PCDHGA11: variants seen among roughly 807,000 people sequenced by gnomAD.
PCDHGA11 encodes the protein protocadherin gamma-A11.
In PCDHGA11, 39 loss-of-function variants were observed where a neutral mutation model predicts 60.4. The observed-to-expected ratio is 0.65, with a 90% CI of 0.50 to 0.84. PCDHGA11 has a LOEUF of 0.84. Ranked by LOEUF, PCDHGA11 falls within the 40% of genes least tolerant of loss-of-function variation. The pLI is 0.00. For synonymous variants in PCDHGA11, 533 were observed against 510.3 expected (o/e 1.04, Z -0.60); for missense variants, 1,165 against 1,197.7 (o/e 0.97, Z 0.40).
At chr5:141,452,524 C>T (rs542476667) in intron 1 of PCDHGA11, among the ~76,000 whole-genome samples, 83 of 152,294 alleles carry the variant, frequency 5.4e-4, no homozygotes, top group African/African-American at 1.9e-3. Flanking sequence ...CCCTCAAAAT[C>T]GTGAGTTCAT....
intron 1 of PCDHGA11, among the ~76,000 whole-genome samples, chr5:141,459,386 T>C (rs1283863283): frequency 6.6e-6 from 1 of 152,260 alleles, no homozygotes; most frequent in African/African-American, 2.4e-5. Context: ...GTGTTCCATT[T>C]GATTGTTGAG....
In PCDHGA11 at chr5:141,476,073, A is replaced by C. The variant is rs765071344; in HGVS notation, c.2434-18734A>C. On this transcript the variant is annotated intron_variant, in intron 1 of 3. Coordinates refer to ENST00000398587, the MANE Select transcript of PCDHGA11 (RefSeq NM_018914.3). The surrounding 1 kb of genome is among the most constrained non-coding windows in gnomAD (Gnocchi z 7.6). ...GCTGAAAGTTTCTCAGCGAAATCTC[A>C]GGGACGATCTGGACCCCGCTGAGAG... 4 of 1,524,010 alleles carry C rather than the reference A, an allele frequency of 2.6e-6. No individual in the cohort carries two copies. Among genetic ancestry groups the C allele is most frequent in the Admixed American group, 4.2e-5 (2 of 47,746 alleles). The allele number at this position is 1,524,010 out of a possible 1,614,324, so 94.4% of individuals were successfully genotyped here. A position where few individuals can be genotyped will look rare whatever the true frequency, so the allele number is the denominator to read the frequency against.
chr5:141,468,463 T>G (rs574151637), intron 1 of PCDHGA11: 6 of 152,282 alleles, frequency 3.9e-5, no homozygotes, highest in African/African-American at 1.4e-4. Flanking sequence ...AGCAAGTTAT[T>G]TCTGAGGAGA....
Position 141,485,597 on chromosome 5 carries a change from A to G in PCDHGA11, c.2434-9210A>G. On this transcript the variant is annotated intron_variant, in intron 1 of 3. Coordinates refer to ENST00000398587, the MANE Select transcript of PCDHGA11 (RefSeq NM_018914.3). This position sits in a 1 kb window ranked among gnomAD's most constrained non-coding sequence, Gnocchi z 5.7. ...TCCGCGGCAGCAGCTGGACTTGGAA[A>G]TTGGGGAGGCAGCTCCTCCAGGACA... The G allele has an allele frequency of 6.2e-7, 1 of 1,612,468 alleles. No homozygotes were observed. The highest frequency in any genetic ancestry group is 8.5e-7 in the Non-Finnish European group (1 of 1,178,718).
intron 1 of PCDHGA11, among the ~76,000 whole-genome samples, chr5:141,472,422 C>T (rs1328468154): frequency 6.6e-6 from 1 of 152,008 alleles, no homozygotes; most frequent in East Asian, 1.9e-4. Flanking sequence ...GCACCTGTAT[C>T]CCAGCTACTA....
chr5:141,460,608 T>A (rs2098993153), intron 1 of PCDHGA11, among the ~76,000 whole-genome samples: 1 of 152,186 alleles, frequency 6.6e-6, no homozygotes, highest in Non-Finnish European at 1.5e-5. Context: ...CTGTGTTAGA[T>A]GGATAGATAG....
intron 1 of PCDHGA11, chr5:141,433,315 TCCGGTGTAACAGGGACTA>T: frequency 1.2e-6 from 1 of 856,086 alleles, no homozygotes; most frequent in Non-Finnish European, 1.8e-6. Flanking sequence ...CACCTTTGCC[TCCGGTGTAACAGGGACTA>T]CAGGTGCAAG....
chr5:141,427,912 A>T (rs1268491054), intron 1 of PCDHGA11: 2 of 1,577,806 alleles, frequency 1.3e-6, no homozygotes, highest in Admixed American at 3.3e-5. Flanking sequence ...CTCAGCGCCA[A>T]CATGAGCCGG....
At position 141,485,709 on chromosome 5, in the gene PCDHGA11, C is replaced by A. The variant is rs2099618118; in HGVS notation, c.2434-9098C>A. On this transcript the variant is annotated intron_variant, in intron 1 of 3. Transcript: ENST00000398587. This position sits in a 1 kb window ranked among gnomAD's most constrained non-coding sequence, Gnocchi z 5.7. ...AGGCTGAGCTCCAATGAACACTTTGCACTGGATGTGAAGAAGCGCAGCGAC... is the reference window on the plus strand; with the variant it reads ...AGGCTGAGCTCCAATGAACACTTTGAACTGGATGTGAAGAAGCGCAGCGAC... The A allele has an allele frequency of 1.2e-6, 2 of 1,614,128 alleles. No homozygotes were observed. The highest frequency in any genetic ancestry group is 1.7e-6 in the Non-Finnish European group (2 of 1,180,028).
chr5:141,440,960 A>C (rs1467379261), intron 1 of PCDHGA11: 2 of 152,248 alleles, frequency 1.3e-5, no homozygotes, highest in Non-Finnish European at 2.9e-5. Flanking sequence ...CAAGGCAGAG[A>C]TCACATATGG....
Position 141,505,499 on chromosome 5 carries a change from G to T in PCDHGA11, c.2581+18G>T, listed in dbSNP as rs753203943. 4.3e-6 allele frequency: 7 copies of T among 1,614,172 alleles called. No individual in the cohort carries two copies. The South Asian group carries it at 7.7e-5, about 18-fold the overall frequency. ...CGCCAGTGGTAAGTGGTGTCAGTGTGTGTATGGAAGAGTGGGAGACCTGGG... is the reference window on the plus strand; with the variant it reads ...CGCCAGTGGTAAGTGGTGTCAGTGTTTGTATGGAAGAGTGGGAGACCTGGG... On this transcript the variant is annotated intron_variant, in intron 3 of 3. Coordinates refer to ENST00000398587, the MANE Select transcript of PCDHGA11 (RefSeq NM_018914.3).
intron 1 of PCDHGA11, chr5:141,479,772 G>A (rs904607838): frequency 1.3e-5 from 2 of 152,192 alleles, no homozygotes; most frequent in Non-Finnish European, 2.9e-5. Flanking sequence ...CATATCCTTA[G>A]ACAGGTAAAG....
In PCDHGA11 at chr5:141,486,752, C is replaced by G. The variant is rs776406247; in HGVS notation, c.2434-8055C>G. On this transcript the variant is annotated intron_variant, in intron 1 of 3. Transcript: ENST00000398587. The surrounding 1 kb of genome is among the most constrained non-coding windows in gnomAD (Gnocchi z 5.0). ...TGCTACTCGATCCTTTGACTATGAG[C>G]AAACCCAGACACTGCAGTTTGAGGT... 6.2e-7 allele frequency: 1 copy of G among 1,614,244 alleles called. No individual in the cohort carries two copies. The highest frequency in any genetic ancestry group is 1.3e-5 in the African/African-American group (1 of 75,080).
chr5:141,443,104 C>A (rs950011995), intron 1 of PCDHGA11, among the ~76,000 whole-genome samples: 1 of 151,854 alleles, frequency 6.6e-6, no homozygotes, highest in East Asian at 1.9e-4. Flanking sequence ...TCAAGCTGAA[C>A]CTTGCTTTTC....
At chr5:141,496,178 C>T (rs1481326898) in intron 2 of PCDHGA11, among the ~76,000 whole-genome samples, 2 of 152,080 alleles carry the variant, frequency 1.3e-5, no homozygotes, top group Admixed American at 1.3e-4. Flanking sequence ...CCCATCCAAG[C>T]AGCCCCAGCT....
intron 1 of PCDHGA11, among the ~76,000 whole-genome samples, chr5:141,435,743 G>T (rs3805699): frequency 0.11 from 17,212 of 152,168 alleles, 1,160 homozygotes; most frequent in African/African-American, 0.18. Context: ...TCTTTGAAAA[G>T]CATTGCTTGA....
At position 141,476,719 on chromosome 5, in the gene PCDHGA11, C is replaced by T; in HGVS notation, c.2434-18088C>T. ...ACGCGGAGCTGGTGTTGGAGCGCGC[C>T]CTGGACCGAGAACGGGAGCCTAGTC... On this transcript the variant is annotated intron_variant, in intron 1 of 3. Coordinates refer to ENST00000398587, the MANE Select transcript of PCDHGA11 (RefSeq NM_018914.3). The surrounding 1 kb of genome is among the most constrained non-coding windows in gnomAD (Gnocchi z 7.6). The T allele has an allele frequency of 6.2e-7, 1 of 1,614,154 alleles. No homozygotes were observed.
In PCDHGA11 at chr5:141,432,218, A is replaced by T. The variant is rs570925415; in HGVS notation, c.2433+8558A>T. On this transcript the variant is annotated intron_variant, in intron 1 of 3. Transcript: ENST00000398587. This position sits in a 1 kb window ranked among gnomAD's most constrained non-coding sequence, Gnocchi z 6.0. Reference sequence around the variant, plus strand: ...CCCCGACTGTGAAGAGAACGCCCAGATCACTTATTCCCTGGCTGAGAACAC... The same window carrying T: ...CCCCGACTGTGAAGAGAACGCCCAGTTCACTTATTCCCTGGCTGAGAACAC... The T allele has an allele frequency of 6.2e-7, 1 of 1,614,148 alleles. No homozygotes were observed. The highest frequency in any genetic ancestry group is 1.3e-5 in the African/African-American group (1 of 75,030).
Position 141,421,725 on chromosome 5 carries a change from C to T in PCDHGA11, c.498C>T (p.Asn166=). The change falls in exon 1 of 4, where the codon AAC becomes AAT. Residue 166 remains asparagine, a synonymous_variant. Transcript: ENST00000398587. Reference sequence around the variant, plus strand: ...CTAGGGATCCAGATGTGGGCGTGAACTCCCTCCAGAGCTACCAGCTCAGCC... The same window carrying T: ...CTAGGGATCCAGATGTGGGCGTGAATTCCCTCCAGAGCTACCAGCTCAGCC... ...PNARDPDVGV[N]SLQSYQLSPN... 6.2e-7 allele frequency: 1 copy of T among 1,613,960 alleles called. No homozygotes were observed. Among genetic ancestry groups the T allele is most frequent in the Non-Finnish European group, 8.5e-7 (1 of 1,179,860 alleles).
Sources: gnomAD v4.1 joint callset for allele counts (sites outside exome capture counted in the v4.1 genomes callset) on GRCh38, gnomAD v4.1.1 for gene constraint, Gnocchi (gnomAD v3.1) non-coding constraint, MANE v1.5 for transcripts, NCBI Gene and HGNC (gene_info 2026-07-23, HGNC 2026-07-21) for gene names.